The following KCNQ2 variants were observed in gnomAD, a reference collection of about 807,000 sequenced individuals.
The protein encoded by KCNQ2 is potassium voltage-gated channel subfamily Q member 2, also known as potassium voltage-gated channel subfamily KQT member 2.
KCNQ2 carries 14 observed loss-of-function variants against 84.8 expected under a neutral mutation model. The ratio of observed to expected loss-of-function variants is 0.17; its 90% confidence interval spans 0.11 to 0.26. The LOEUF (loss-of-function observed/expected upper bound fraction) is 0.26. Among genes scored for constraint, KCNQ2 ranks in the 10% least tolerant of loss-of-function variants. The probability of loss-of-function intolerance (pLI) is 1.00; values close to 1 mark genes in which losing one functional copy is unlikely to be tolerated. For missense variants in KCNQ2, 788 were observed against 1,254.0 expected (o/e 0.63, Z 5.61); for synonymous variants, 599 against 554.1 (o/e 1.08, Z -1.14).
At chr20:63,437,959 G>A (rs751638353) in intron 7 of KCNQ2, among the ~76,000 whole-genome samples, 3 of 152,114 alleles carry the variant, frequency 2.0e-5, no homozygotes, top group Admixed American at 6.5e-5. Flanking sequence ...ACAGACGCAC[G>A]CCACCACGCC....
chr20:63,419,495 C>T (rs1019861026), intron 12 of KCNQ2, 124 bp downstream of exon 12: 20 of 930,120 alleles, frequency 2.2e-5, no homozygotes, highest in South Asian at 5.8e-5. Context: ...ACCGCCAGGG[C>T]GGTGGGTCAG....
At chr20:63,464,348 G>C (rs569777236) in intron 1 of KCNQ2, among the ~76,000 whole-genome samples, 1 of 151,928 alleles carries the variant, frequency 6.6e-6, no homozygotes, top group Non-Finnish European at 1.5e-5. Flanking sequence ...AGTGCCCCGA[G>C]GCCTCGGGGC....
At position 63,413,588 on chromosome 20, in the gene KCNQ2, G is replaced by A. The variant is rs779543926; in HGVS notation, c.1632-7C>T. 5.6e-6 allele frequency: 9 copies of A among 1,611,088 alleles called. No homozygotes were observed. The highest frequency in any genetic ancestry group is 1.1e-5 in the South Asian group (1 of 91,042). Reference sequence around the variant, plus strand: ...CACCAGGAACCGCATGACACTGCAGGGGGGTGGGTGGGGCTGTGAGCCCTG... The same window carrying A: ...CACCAGGAACCGCATGACACTGCAGAGGGGTGGGTGGGGCTGTGAGCCCTG... On this transcript the variant is annotated splice_region_variant and splice_polypyrimidine_tract_variant and intron_variant, in intron 14 of 16. Coordinates refer to ENST00000359125, the MANE Select transcript of KCNQ2 (RefSeq NM_172107.4).
chr20:63,466,257 G>A (rs544696240), intron 1 of KCNQ2, among the ~76,000 whole-genome samples: 3 of 151,962 alleles, frequency 2.0e-5, no homozygotes, highest in South Asian at 2.1e-4. Flanking sequence ...GCTCGAGCCC[G>A]GGCCCCGCGC....
rs574255969 is a variant in KCNQ2, at chr20:63,405,713, G to T, written c.*931C>A. 6.6e-6 allele frequency: 1 copy of T among 152,352 alleles called. No homozygotes were observed. Among genetic ancestry groups the T allele is most frequent in the Admixed American group, 6.5e-5 (1 of 15,292 alleles). 9.4% of individuals were successfully genotyped at this position (152,352 alleles called of 1,614,324 possible). A position where few individuals can be genotyped will look rare whatever the true frequency, so the allele number is the denominator to read the frequency against. Reference sequence around the variant, plus strand: ...GGTGGGTCTCGCAGTGCCGGCACCCGGCCAGGGCAGTCAGGAGAGAGGGGA... The same window carrying T: ...GGTGGGTCTCGCAGTGCCGGCACCCTGCCAGGGCAGTCAGGAGAGAGGGGA... On this transcript the variant is annotated 3_prime_UTR_variant, in exon 17 of 17. Transcript: ENST00000359125.
At chr20:63,416,686 G>A (rs2080307636) in intron 12 of KCNQ2, among the ~76,000 whole-genome samples, 1 of 152,156 alleles carries the variant, frequency 6.6e-6, no homozygotes, top group Non-Finnish European at 1.5e-5. Flanking sequence ...CGGCTCCCCA[G>A]CCAACAGCGA....
intron 1 of KCNQ2, among the ~76,000 whole-genome samples, chr20:63,452,616 CAG>C (rs1307013451): frequency 6.6e-6 from 1 of 152,256 alleles, no homozygotes; most frequent in African/African-American, 2.4e-5. Context: ...GGAGAGGACA[CAG>C]GGGCCTCGGC....
At position 63,441,515 on chromosome 20, in the gene KCNQ2, G is replaced by A. The variant is rs187850680; in HGVS notation, c.816+891C>T. Among the ~76,000 whole-genome samples, 144 of 152,242 alleles carry A rather than the reference G, an allele frequency of 9.5e-4. 1 individual carries two copies. The highest frequency in any genetic ancestry group is 1.7e-3 in the Non-Finnish European group (115 of 67,996). On this transcript the variant is annotated intron_variant, in intron 5 of 16. Transcript: ENST00000359125. The stretch of plus-strand genomic sequence containing the variant: ...CATTACTCTGAAAAAACACCCAATC[G>A]TAAAGATAAGAAGGCTGTTGCCCAC...
chr20:63,470,038 G>C (rs2082174947), intron 1 of KCNQ2, among the ~76,000 whole-genome samples: 1 of 152,272 alleles, frequency 6.6e-6, no homozygotes, highest in Non-Finnish European at 1.5e-5. Context: ...GGGTTGAGAA[G>C]CAGCTGTGCC....
intron 9 of KCNQ2, 90 bp from the exon 10 acceptor site, chr20:63,428,525 G>T: frequency 8.8e-7 from 1 of 1,129,946 alleles, no homozygotes; most frequent in Non-Finnish European, 1.3e-6. Flanking sequence ...ATGGGCAGGC[G>T]CCTGCAGTGT....
Position 63,407,222 on chromosome 20 carries a change from C to G in KCNQ2, c.2041G>C (p.Asp681His). The change falls in exon 17 of 17, where the codon GAC becomes CAC. Residue 681 changes from aspartate (D) to histidine (H), a missense_variant. Coordinates refer to ENST00000359125, the MANE Select transcript of KCNQ2 (RefSeq NM_172107.4). This position sits in a 1 kb window ranked among gnomAD's most constrained non-coding sequence, Gnocchi z 7.2. ...HSPEDSREHVDRHGCIVKIVR... is the reference protein window; with the variant it reads ...HSPEDSREHVHRHGCIVKIVR... ...ATCTTGACAATGCAGCCGTGCCTGT[C>G]GACATGCTCCCGGCTGTCTTCCGGG... The G allele has an allele frequency of 6.2e-7, 1 of 1,604,252 alleles. No homozygotes were observed. Among genetic ancestry groups the G allele is most frequent in the Non-Finnish European group, 8.5e-7 (1 of 1,179,472 alleles).
At chr20:63,410,812 A>C (rs1437302289) in intron 15 of KCNQ2, among the ~76,000 whole-genome samples, 1 of 152,164 alleles carries the variant, frequency 6.6e-6, no homozygotes, top group Non-Finnish European at 1.5e-5. Flanking sequence ...TTGCCCAGAC[A>C]CTGGCATTGG....
At chr20:63,439,817 C>A (rs2081106927) in intron 5 of KCNQ2, 109 bp from the exon 6 acceptor site, 3 of 816,840 alleles carry the variant, frequency 3.7e-6, no homozygotes, top group African/African-American at 1.7e-5. Flanking sequence ...TGCGGGGCCA[C>A]CCCCGTGTCA....
At chr20:63,441,191 G>C (rs1051616921) in intron 5 of KCNQ2, among the ~76,000 whole-genome samples, 5 of 148,754 alleles carry the variant, frequency 3.4e-5, no homozygotes, top group Admixed American at 6.7e-5. Flanking sequence ...CCTGGCCTGC[G>C]GGGGAGGTGA....
At chr20:63,440,064 G>C (rs1419770233) in intron 5 of KCNQ2, among the ~76,000 whole-genome samples, 2 of 152,358 alleles carry the variant, frequency 1.3e-5, no homozygotes, top group Admixed American at 6.5e-5. Flanking sequence ...GGAGTGCCCA[G>C]AGGGACCCAG....
At chr20:63,453,050 G>A (rs1056849554) in intron 1 of KCNQ2, among the ~76,000 whole-genome samples, 4 of 152,088 alleles carry the variant, frequency 2.6e-5, no homozygotes, top group Non-Finnish European at 4.4e-5. Flanking sequence ...CCTGCCCCAC[G>A]CTGCACCCCT....
At chr20:63,431,804 G>A (rs952483817) in intron 8 of KCNQ2, among the ~76,000 whole-genome samples, 7 of 152,144 alleles carry the variant, frequency 4.6e-5, no homozygotes, top group Admixed American at 2.6e-4. Flanking sequence ...AGAATCCTGG[G>A]CCCCACCCCA....
chr20:63,446,573 T>A lies in KCNQ2; in HGVS notation c.387+174A>T, dbSNP rs139749415. Among the ~76,000 whole-genome samples, 1 of 151,842 alleles carries A rather than the reference T, an allele frequency of 6.6e-6. No homozygotes were observed. The highest frequency in any genetic ancestry group is 1.5e-5 in the Non-Finnish European group (1 of 67,958). On this transcript the variant is annotated intron_variant, in intron 2 of 16. Coordinates refer to ENST00000359125, the MANE Select transcript of KCNQ2 (RefSeq NM_172107.4). This position sits in a 1 kb window ranked among gnomAD's most constrained non-coding sequence, Gnocchi z 5.5. ...TTACAGCCAGGGTGGGGCTGGGGCA[T>A]AGCCCGGGCTGTGGGGCTGGGGGCA...
chr20:63,433,962 A>C (rs1005020384), intron 7 of KCNQ2, 59 bp from the exon 8 acceptor site: 3 of 1,505,396 alleles, frequency 2.0e-6, no homozygotes, highest in Non-Finnish European at 2.8e-6. Context: ...CGCGCCCAGG[A>C]GGGCCGGGCG....
Sources: gnomAD v4.1 joint callset for allele counts (sites outside exome capture counted in the v4.1 genomes callset) on GRCh38, gnomAD v4.1.1 for gene constraint, Gnocchi (gnomAD v3.1) non-coding constraint, MANE v1.5 for transcripts, NCBI Gene and HGNC (gene_info 2026-07-23, HGNC 2026-07-21) for gene names.